SLC24A2: variants seen among roughly 807,000 people sequenced by gnomAD.
SLC24A2 encodes the protein sodium/potassium/calcium exchanger 2.
A neutral mutation model predicts 62.0 loss-of-function variants in SLC24A2; 36 were observed. The observed-to-expected ratio is 0.58, with a 90% CI of 0.44 to 0.77. SLC24A2 has a LOEUF of 0.77. SLC24A2 is among the 30% of genes least tolerant of loss of function. The pLI, the probability that SLC24A2 is intolerant of heterozygous loss-of-function variation, is 0.00. For missense variants in SLC24A2, 846 were observed against 817.9 expected, an observed-to-expected ratio of 1.03 and a Z score of -0.42; for synonymous variants, 358 against 294.0, an observed-to-expected ratio of 1.22 and a Z score of -2.23.
the SLC24A2 span, among the ~76,000 whole-genome samples, chr9:19,935,546 A>G: frequency 6.6e-6 from 1 of 152,136 alleles, no homozygotes; most frequent in South Asian, 2.1e-4. Context: ...CTACTCATTC[A>G]CCTGTCCTGG....
the SLC24A2 span, among the ~76,000 whole-genome samples, chr9:20,112,035 C>A: frequency 6.6e-6 from 1 of 151,922 alleles, no homozygotes; most frequent in African/African-American, 2.4e-5. Flanking sequence ...TGCCAAACAC[C>A]ATTAAGAAAA....
At chr9:19,752,136 G>C (rs1235068261) in intron 2 of SLC24A2, among the ~76,000 whole-genome samples, 13 of 152,172 alleles carry the variant, frequency 8.5e-5, no homozygotes, top group Admixed American at 8.5e-4. Flanking sequence ...ATCAGCGCTA[G>C]ATGCTTTCCA....
the SLC24A2 span, among the ~76,000 whole-genome samples, chr9:20,103,734 C>T: frequency 6.6e-6 from 1 of 152,030 alleles, no homozygotes; most frequent in Non-Finnish European, 1.5e-5. Context: ...GTAGATAAAA[C>T]CACAAACATG....
the SLC24A2 span, among the ~76,000 whole-genome samples, chr9:20,249,815 G>T: frequency 2.6e-5 from 4 of 151,936 alleles, no homozygotes; most frequent in Admixed American, 2.6e-4. Flanking sequence ...TTGGAAGTGA[G>T]GAAGGAGTGG....
At chr9:19,848,339 G>C in the SLC24A2 span, among the ~76,000 whole-genome samples, 1 of 152,144 alleles carries the variant, frequency 6.6e-6, no homozygotes, top group East Asian at 1.9e-4. Context: ...AAATGAGTGG[G>C]TTCAAAGTTT....
At chr9:20,272,319 T>A in the SLC24A2 span, among the ~76,000 whole-genome samples, 1 of 152,226 alleles carries the variant, frequency 6.6e-6, no homozygotes, top group Non-Finnish European at 1.5e-5. Context: ...TGATCATTCC[T>A]ACCATCATCC....
the SLC24A2 span, among the ~76,000 whole-genome samples, chr9:19,862,397 T>C: frequency 6.6e-6 from 1 of 152,098 alleles, no homozygotes; most frequent in Non-Finnish European, 1.5e-5. Flanking sequence ...AAACAAAAGC[T>C]GAGGGATTTC....
At chr9:19,617,344 C>T (rs1161770455) in intron 4 of SLC24A2, among the ~76,000 whole-genome samples, 1 of 152,152 alleles carries the variant, frequency 6.6e-6, no homozygotes, top group Admixed American at 6.6e-5. Flanking sequence ...GGACCCCTGT[C>T]ATAGACCATG....
chr9:19,997,062 C>T, the SLC24A2 span, among the ~76,000 whole-genome samples: 1 of 149,654 alleles, frequency 6.7e-6, no homozygotes, highest in Non-Finnish European at 1.5e-5. Context: ...AAAAAGCAAA[C>T]AATTTGCTGA....
the SLC24A2 span, among the ~76,000 whole-genome samples, chr9:20,067,275 T>A: frequency 6.6e-6 from 1 of 152,216 alleles, no homozygotes; most frequent in Non-Finnish European, 1.5e-5. Flanking sequence ...CTCTTCATGA[T>A]GTCCCAGGAT....
chr9:19,783,708 G>C (rs1823080914), intron 2 of SLC24A2, among the ~76,000 whole-genome samples: 1 of 152,144 alleles, frequency 6.6e-6, no homozygotes, highest in East Asian at 1.9e-4. Flanking sequence ...AGTGAAATTG[G>C]CAAGTGGTAT....
At chr9:19,636,322 T>TTCTTTTCTTTTCTTTTCTTTTC (rs376017966) in intron 2 of SLC24A2, among the ~76,000 whole-genome samples, 371 of 30,422 alleles carry the variant, frequency 0.012, 19 homozygotes, top group Middle Eastern at 0.068. Flanking sequence ...TTCTTTTCTT[T>TTCTTTTCTTTTCTTTTCTTTTC]CTTTCTTTCT....
the SLC24A2 span, among the ~76,000 whole-genome samples, chr9:19,944,282 G>A: frequency 1.3e-5 from 2 of 151,952 alleles, no homozygotes; most frequent in East Asian, 1.9e-4. Flanking sequence ...TCTCAAAAAC[G>A]GCAAAATCAA....
At chr9:20,233,120 T>C in the SLC24A2 span, among the ~76,000 whole-genome samples, 1 of 152,140 alleles carries the variant, frequency 6.6e-6, no homozygotes, top group Non-Finnish European at 1.5e-5. Flanking sequence ...TTCTTTTACA[T>C]TTGCTGAGGA....
intron 4 of SLC24A2, among the ~76,000 whole-genome samples, chr9:19,602,825 T>G (rs1413288971): frequency 6.6e-6 from 1 of 152,196 alleles, no homozygotes; most frequent in African/African-American, 2.4e-5. Flanking sequence ...AGGATTGATG[T>G]GGAAAATAAA....
At chr9:19,708,448 G>A (rs1216955130) in intron 2 of SLC24A2, among the ~76,000 whole-genome samples, 2 of 152,128 alleles carry the variant, frequency 1.3e-5, no homozygotes, top group African/African-American at 4.8e-5. Flanking sequence ...GCATCACCAA[G>A]TCAACCCCAA....
chr9:20,184,386 C>T, the SLC24A2 span, among the ~76,000 whole-genome samples: 2 of 151,912 alleles, frequency 1.3e-5, no homozygotes, highest in Admixed American at 6.6e-5. Context: ...CCTGTCTCTA[C>T]TAAAATTACA....
chr9:19,718,793 G>T (rs776716849), intron 2 of SLC24A2, among the ~76,000 whole-genome samples: 6 of 152,164 alleles, frequency 3.9e-5, no homozygotes, highest in Non-Finnish European at 5.9e-5. Context: ...TTCATTGAAA[G>T]ATGACCCATT....
At chr9:19,906,807 C>T in the SLC24A2 span, among the ~76,000 whole-genome samples, 4 of 152,168 alleles carry the variant, frequency 2.6e-5, no homozygotes, top group African/African-American at 9.7e-5. Context: ...AGACCAATAA[C>T]AGGCTCTGAA....
Sources: gnomAD v4.1 joint callset for allele counts (sites outside exome capture counted in the v4.1 genomes callset) on GRCh38, gnomAD v4.1.1 for gene constraint, MANE v1.5 for transcripts, NCBI Gene and HGNC (gene_info 2026-07-23, HGNC 2026-07-21) for gene names.